ULK2: variants seen among roughly 807,000 people sequenced by gnomAD.
The protein encoded by ULK2 is serine/threonine-protein kinase ULK2.
ULK2 carries 76 observed loss-of-function variants against 127.5 expected under a neutral mutation model. The ratio of observed to expected loss-of-function variants is 0.60; its 90% CI spans 0.50 to 0.72. The LOEUF is 0.72. ULK2 is among the 30% of genes least tolerant of loss of function. ULK2 has a pLI of 0.00. For synonymous variants in ULK2, 452 were observed against 461.9 expected, an observed-to-expected ratio of 0.98 and a Z score of 0.28; for missense variants, 1,144 against 1,295.9, an observed-to-expected ratio of 0.88 and a Z score of 1.80.
At chr17:19,837,768 T>C (rs1329411301) in intron 10 of ULK2, among the ~76,000 whole-genome samples, 1 of 152,190 alleles carries the variant, frequency 6.6e-6, no homozygotes, top group Non-Finnish European at 1.5e-5. Flanking sequence ...TCCACTACTA[T>C]TACCCTAGTC....
intron 12 of ULK2, among the ~76,000 whole-genome samples, chr17:19,823,503 C>G (rs1359788975): frequency 6.6e-6 from 1 of 152,156 alleles, no homozygotes; most frequent in Non-Finnish European, 1.5e-5. Flanking sequence ...AAATTAGATT[C>G]TTCCCTGTTG....
intron 10 of ULK2, among the ~76,000 whole-genome samples, chr17:19,831,806 G>A (rs999828439): frequency 2.0e-5 from 3 of 151,874 alleles, no homozygotes; most frequent in Non-Finnish European, 4.4e-5. Flanking sequence ...CAGCCTGGGC[G>A]ACAGAGCAAG....
chr17:19,826,221 G>C (rs749850585), intron 10 of ULK2, 35 bp from the exon 11 acceptor site: 4 of 1,297,208 alleles, frequency 3.1e-6, no homozygotes, highest in African/African-American at 1.5e-5. Context: ...CCTTTAAAGA[G>C]ACATTGACTA....
rs117239147 is a variant in ULK2, at chr17:19,798,570, C to T, written c.1523-888G>A. 2.5e-3 allele frequency among the ~76,000 whole-genome samples: 378 copies of T among 152,328 alleles called. 15 individuals are homozygous for T. The East Asian group carries it at 0.06, about 24-fold the overall frequency. The stretch of plus-strand genomic sequence containing the variant: ...ACAGAAGCTTTGCTATTGACCACTT[C>T]TGGCTTCATCTCTTTCCAAACCTGA... On this transcript the variant is annotated intron_variant, in intron 17 of 26. Coordinates refer to ENST00000395544, the MANE Select transcript of ULK2 (RefSeq NM_014683.4).
chr17:19,866,345 C>T (rs1423559960), intron 1 of ULK2, among the ~76,000 whole-genome samples: 1 of 139,568 alleles, frequency 7.2e-6, no homozygotes, highest in African/African-American at 2.6e-5. Context: ...ACTAAAAATA[C>T]AAAAAAAAAA....
chr17:19,856,112 T>C (rs2042120756), intron 3 of ULK2: 1 of 152,166 alleles, frequency 6.6e-6, no homozygotes, highest in African/African-American at 2.4e-5. Context: ...CCAATCAAAA[T>C]ACATAACAAT....
At chr17:19,807,017 A>C (rs746038312) in intron 14 of ULK2, among the ~76,000 whole-genome samples, 2 of 152,238 alleles carry the variant, frequency 1.3e-5, no homozygotes, top group Non-Finnish European at 2.9e-5. Flanking sequence ...AGAAGACTCC[A>C]TGAGTAAATC....
chr17:19,865,061 AATTCTT>A (rs2042324538), intron 2 of ULK2, among the ~76,000 whole-genome samples: 3 of 151,212 alleles, frequency 2.0e-5, no homozygotes, highest in African/African-American at 7.4e-5. Flanking sequence ...AAAGAGCTAC[AATTCTT>A]AAAAAAGAGC....
chr17:19,845,600 A>C (rs745496060), intron 6 of ULK2, among the ~76,000 whole-genome samples: 52 of 152,248 alleles, frequency 3.4e-4, no homozygotes, highest in Middle Eastern at 3.2e-3. Context: ...CCAGATTTGT[A>C]ACCAAGGTGT....
chr17:19,856,931 C>T (rs1263656762), intron 3 of ULK2, among the ~76,000 whole-genome samples: 6 of 137,294 alleles, frequency 4.4e-5, no homozygotes, highest in Non-Finnish European at 9.1e-5. Flanking sequence ...GAGCCGAGAT[C>T]GCACCACGGC....
intron 25 of ULK2, among the ~76,000 whole-genome samples, chr17:19,778,953 T>G (rs1393260731): frequency 2.0e-5 from 3 of 152,184 alleles, no homozygotes; most frequent in Non-Finnish European, 4.4e-5. Context: ...AAAACAGCAT[T>G]ATAATTCCAT....
intron 5 of ULK2, among the ~76,000 whole-genome samples, chr17:19,847,338 AG>A (rs1201072843): frequency 1.3e-5 from 2 of 152,212 alleles, no homozygotes; most frequent in African/African-American, 2.4e-5. Flanking sequence ...ATTAAAAACA[AG>A]CAAAATCTTT....
At chr17:19,816,700 G>C in intron 13 of ULK2, 49 bp downstream of exon 13, 1 of 1,462,458 alleles carries the variant, frequency 6.8e-7, no homozygotes, top group East Asian at 2.5e-5. Context: ...AAAGATGCTA[G>C]TTTAGTAGAT....
intron 17 of ULK2, 46 bp from the exon 18 acceptor site, chr17:19,797,728 A>G (rs2087305482): frequency 2.9e-6 from 4 of 1,390,338 alleles, no homozygotes; most frequent in South Asian, 3.9e-5. Context: ...GAAGAAGTGC[A>G]GTGCAAAAAT....
rs115221341 is a variant in ULK2, at chr17:19,827,630, G to A, written c.788-1444C>T. 2.0e-3 allele frequency among the ~76,000 whole-genome samples: 310 copies of A among 152,272 alleles called. 1 individual carries two copies. The highest frequency in any genetic ancestry group is 7.2e-3 in the African/African-American group (300 of 41,572). On this transcript the variant is annotated intron_variant, in intron 10 of 26. Transcript: ENST00000395544. ...TTTACCTAAGATAAGAATTAGGTTG[G>A]ACCGGGCGTGGTGGCTCACGCCTAT... is the stretch of plus-strand genomic sequence containing the variant.
At chr17:19,860,524 CTTTT>C (rs34701817) in intron 3 of ULK2, among the ~76,000 whole-genome samples, 4 of 138,138 alleles carry the variant, frequency 2.9e-5, no homozygotes, top group Admixed American at 7.3e-5. Context: ...ATTAATACCT[CTTTT>C]TTTTTTTTTT....
At chr17:19,818,215 C>A (rs748379420) in intron 12 of ULK2, among the ~76,000 whole-genome samples, 108 of 150,794 alleles carry the variant, frequency 7.2e-4, no homozygotes, top group Admixed American at 2.6e-3. Flanking sequence ...CCCAGCTACT[C>A]GGGGGGTTGA....
intron 10 of ULK2, among the ~76,000 whole-genome samples, chr17:19,833,821 T>C (rs1585751): frequency 0.012 from 1,835 of 152,056 alleles, 35 homozygotes; most frequent in East Asian, 0.061. Context: ...CTGTGCGACA[T>C]CATCAAGCAT....
In ULK2 at chr17:19,810,410, T is replaced by C. The variant is rs1415575105; in HGVS notation, c.1125A>G (p.Arg375=). ...SCDMPVGTAG[R]RASNEFLVCG... ...ACACCAAGAATTCATTTGAAGCACG[T>C]CTGCCAGCAGTCCCCACTGGCATAT... The change falls in exon 14 of 27, where the codon AGA becomes AGG. Residue 375 remains arginine (R), a synonymous_variant. Coordinates refer to ENST00000395544, the MANE Select transcript of ULK2 (RefSeq NM_014683.4). 6.2e-7 allele frequency: 1 copy of C among 1,608,278 alleles called. No individual in the cohort carries two copies. Among genetic ancestry groups the C allele is most frequent in the African/African-American group, 1.3e-5 (1 of 74,726 alleles).
Sources: allele counts gnomAD v4.1 joint callset (sites outside exome capture counted in the v4.1 genomes callset), GRCh38; gene constraint gnomAD v4.1.1; transcripts MANE v1.5; gene names NCBI Gene and HGNC (gene_info 2026-07-23, HGNC 2026-07-21).